Variants in NCOA2 observed in about 807,000 individuals in gnomAD.
The protein encoded by NCOA2 is class E basic helix-loop-helix protein 75.
A neutral mutation model predicts 145.1 loss-of-function variants in NCOA2; 21 were observed. The observed-to-expected ratio is 0.14, with a 90% CI of 0.10 to 0.21. The LOEUF is 0.21. NCOA2 is among the 10% of genes least tolerant of loss of function. NCOA2 has a pLI of 1.00. For synonymous variants in NCOA2, 619 were observed against 637.5 expected (o/e 0.97, Z 0.44); for missense variants, 1,472 against 1,837.6 (o/e 0.80, Z 3.64).
intron 2 of NCOA2, among the ~76,000 whole-genome samples, chr8:70,289,522 G>A (rs1264924391): frequency 1.3e-5 from 2 of 152,026 alleles, no homozygotes; most frequent in East Asian, 1.9e-4. Flanking sequence ...ATAAAACCAT[G>A]CTGGGGTTCT....
chr8:70,403,048 CGCGCT>C (rs1814502747), intron 1 of NCOA2, among the ~76,000 whole-genome samples: 1 of 149,228 alleles, frequency 6.7e-6, no homozygotes. Flanking sequence ...TTCCCCGCCC[CGCGCT>C]GCAGCTCGCC....
At chr8:70,269,018 G>A (rs987740540) in intron 2 of NCOA2, among the ~76,000 whole-genome samples, 1 of 152,026 alleles carries the variant, frequency 6.6e-6, no homozygotes, top group African/African-American at 2.4e-5. Context: ...GAAAAAGCGT[G>A]GAAAGTAAGG....
At chr8:70,178,046 G>A (rs1260805519) in intron 4 of NCOA2, among the ~76,000 whole-genome samples, 4 of 152,126 alleles carry the variant, frequency 2.6e-5, no homozygotes, top group African/African-American at 9.7e-5. Flanking sequence ...ATCTTTCTGA[G>A]GATCTAAATT....
At chr8:70,153,516 T>C (rs1282166557) in intron 11 of NCOA2, among the ~76,000 whole-genome samples, 2 of 152,184 alleles carry the variant, frequency 1.3e-5, no homozygotes, top group Non-Finnish European at 1.5e-5. Context: ...TCTAAGTCCC[T>C]TGGGCCTCAG....
At chr8:70,224,787 T>C (rs144117978) in intron 2 of NCOA2, among the ~76,000 whole-genome samples, 384 of 151,016 alleles carry the variant, frequency 2.5e-3, no homozygotes, top group Non-Finnish European at 4.6e-3. Context: ...TTATATTACA[T>C]ATATATTAAT....
At chr8:70,304,287 T>G (rs543573386) in intron 1 of NCOA2, among the ~76,000 whole-genome samples, 1 of 152,330 alleles carries the variant, frequency 6.6e-6, no homozygotes, top group South Asian at 2.1e-4. Context: ...TTTCCCATTG[T>G]GTTACAACTG....
At chr8:70,138,120 TC>T in intron 15 of NCOA2, 82 bp downstream of exon 15, 1 of 1,437,078 alleles carries the variant, frequency 7.0e-7, no homozygotes, top group Non-Finnish European at 9.4e-7. Context: ...TGAAAACTGG[TC>T]AGGCACCGAC....
At chr8:70,347,281 T>C (rs1276829950) in intron 1 of NCOA2, among the ~76,000 whole-genome samples, 1 of 152,032 alleles carries the variant, frequency 6.6e-6, no homozygotes, top group Non-Finnish European at 1.5e-5. Context: ...GATCAGGAGT[T>C]CGAGACCAGC....
intron 9 of NCOA2, among the ~76,000 whole-genome samples, chr8:70,161,188 TC>T (rs1812961165): frequency 6.6e-6 from 1 of 152,208 alleles, no homozygotes; most frequent in African/African-American, 2.4e-5. Flanking sequence ...GGGGTTTCCT[TC>T]CAGTGGGTCC....
intron 1 of NCOA2, among the ~76,000 whole-genome samples, chr8:70,302,370 T>G (rs114851013): frequency 0.012 from 1,835 of 152,290 alleles, 50 homozygotes; most frequent in African/African-American, 0.042. Flanking sequence ...ATAAATTGAC[T>G]GATTAACTTC....
At chr8:70,149,471 G>C in intron 11 of NCOA2, among the ~76,000 whole-genome samples, 1 of 149,572 alleles carries the variant, frequency 6.7e-6, no homozygotes, top group East Asian at 2.0e-4. Context: ...TGGTCTCTGA[G>C]CTCAAGCAGT....
the NCOA2 span, among the ~76,000 whole-genome samples, chr8:70,415,102 A>G: frequency 2.2e-4 from 33 of 152,128 alleles, no homozygotes; most frequent in African/African-American, 7.7e-4. Flanking sequence ...CAGGAGTTTG[A>G]GGCTAGCCTG....
At chr8:70,370,782 A>G (rs1811145092) in intron 1 of NCOA2, among the ~76,000 whole-genome samples, 1 of 152,206 alleles carries the variant, frequency 6.6e-6, no homozygotes, top group Non-Finnish European at 1.5e-5. Context: ...CCTAAGGAAT[A>G]GAGGCCACAA....
upstream of NCOA2, among the ~76,000 whole-genome samples, chr8:70,407,727 C>T (rs375818325): frequency 2.6e-5 from 4 of 151,910 alleles, no homozygotes; most frequent in African/African-American, 7.3e-5. Context: ...AACCGGGAGG[C>T]GGAGGTTGCA....
At chr8:70,338,870 G>A (rs938850977) in intron 1 of NCOA2, among the ~76,000 whole-genome samples, 5 of 151,892 alleles carry the variant, frequency 3.3e-5, no homozygotes, top group Admixed American at 6.6e-5. Context: ...CTCAATACAC[G>A]CAGAAAAGGC....
At chr8:70,252,226 T>C (rs1295397194) in intron 2 of NCOA2, among the ~76,000 whole-genome samples, 1 of 152,198 alleles carries the variant, frequency 6.6e-6, no homozygotes, top group Non-Finnish European at 1.5e-5. Context: ...TCTCCCAAAC[T>C]GTTATTAAGT....
At chr8:70,128,396 C>A in intron 18 of NCOA2, 37 bp downstream of exon 18, 3 of 1,554,084 alleles carry the variant, frequency 1.9e-6, no homozygotes, top group Non-Finnish European at 2.7e-6. Flanking sequence ...CAGCTGCATG[C>A]ATACAATGAA....
chr8:70,302,540 A>G lies in NCOA2; in HGVS notation c.-76-5740T>C, dbSNP rs75542285. Among the ~76,000 whole-genome samples the G allele has an allele frequency of 5.9e-3, 894 of 152,306 alleles. 5 individuals are homozygous for G. Among genetic ancestry groups the G allele is most frequent in the African/African-American group, 0.02 (834 of 41,568 alleles). ...AGAATCATGGCAAAACTCCCTTAAA[A>G]TAACATTTAGCCCTGATAACTTACA... is the stretch of plus-strand genomic sequence containing the variant. On this transcript the variant is annotated intron_variant, in intron 1 of 22. Transcript: ENST00000452400.
rs754831888 is a variant in NCOA2, at chr8:70,174,780, A to T, written c.339T>A (p.Asp113Glu). ...CCTCAAGCATCATAGGCCCCAGCGC[A>T]TCCTTGTCGATGACACCCTGCCCTG... Reference protein sequence around the residue: ...SSTGQGVIDKDALGPMMLEAL... With the variant: ...SSTGQGVIDKEALGPMMLEAL... The change falls in exon 5 of 23, where the codon GAT (aspartate) becomes GAA (glutamate). Residue 113 changes from aspartate (D) to glutamate (E), a missense_variant. By Grantham distance (45) the Asp-to-Glu change is conservative. This residue lies in a region of NCOA2 where 284 missense variants were observed against 467.8 expected (regional missense o/e 0.61). Transcript: ENST00000452400. The T allele has an allele frequency of 6.2e-7, 1 of 1,613,764 alleles. No individual in the cohort carries two copies. The highest frequency in any genetic ancestry group is 2.2e-5 in the East Asian group (1 of 44,880).
Sources: allele counts gnomAD v4.1 joint callset (sites outside exome capture counted in the v4.1 genomes callset), GRCh38; gene constraint gnomAD v4.1.1; regional missense constraint gnomAD v4.1.1; transcripts MANE v1.5; gene names NCBI Gene and HGNC (gene_info 2026-07-23, HGNC 2026-07-21).